The following FAM222B variants were observed in gnomAD, a reference collection of about 807,000 sequenced individuals.
FAM222B encodes protein FAM222B.
A neutral mutation model predicts 38.0 loss-of-function variants in FAM222B; 12 were observed. The ratio of observed to expected loss-of-function variants is 0.32; its 90% CI spans 0.20 to 0.51. The LOEUF (loss-of-function observed/expected upper bound fraction) is 0.51, where lower values mean the gene tolerates loss of function less well. FAM222B is among the 20% of genes least tolerant of loss of function. The pLI is 0.97. For missense variants in FAM222B, 716 were observed against 754.2 expected, an observed-to-expected ratio of 0.95 and a Z score of 0.59; for synonymous variants, 329 against 317.2, an observed-to-expected ratio of 1.04 and a Z score of -0.40.
At chr17:28,795,105 A>C (rs1452563170) in intron 1 of FAM222B, among the ~76,000 whole-genome samples, 3 of 152,014 alleles carry the variant, frequency 2.0e-5, no homozygotes, top group South Asian at 2.1e-4. Flanking sequence ...AAAAAAAAAA[A>C]AACCCTAAAA....
At chr17:28,813,582 A>G (rs566591417) in intron 1 of FAM222B, among the ~76,000 whole-genome samples, 1 of 151,714 alleles carries the variant, frequency 6.6e-6, no homozygotes, top group African/African-American at 2.4e-5. Flanking sequence ...GCTGGAGTGC[A>G]GTGGCGAGAT....
chr17:28,782,526 G>A (rs781375159), intron 1 of FAM222B, among the ~76,000 whole-genome samples: 2 of 152,100 alleles, frequency 1.3e-5, no homozygotes, highest in African/African-American at 4.8e-5. Flanking sequence ...AATAACATTA[G>A]CATGAGCCTC....
At chr17:28,803,008 G>T (rs2037310149) in intron 1 of FAM222B, among the ~76,000 whole-genome samples, 1 of 151,608 alleles carries the variant, frequency 6.6e-6, no homozygotes, top group Admixed American at 6.6e-5. Context: ...TTGTTTCTTT[G>T]CTTTTTCTTT....
In FAM222B at chr17:28,788,407, T is replaced by G. The variant is rs2036516635; in HGVS notation, c.-40-21700A>C. Among the ~76,000 whole-genome samples the G allele has an allele frequency of 2.0e-5, 3 of 152,044 alleles. No homozygotes were observed. The South Asian group carries it at 6.2e-4, about 32-fold the overall frequency. On this transcript the variant is annotated intron_variant, in intron 1 of 2. Coordinates refer to ENST00000581407, the MANE Select transcript of FAM222B (RefSeq NM_001077498.3). ...GTGCACACCATTGCATGTGGCTAAT[T>G]TTTTTGTTTTTTATAGAGACAGGTT...
chr17:28,806,106 C>T (rs1394562079), intron 1 of FAM222B, among the ~76,000 whole-genome samples: 1 of 151,688 alleles, frequency 6.6e-6, no homozygotes, highest in Non-Finnish European at 1.5e-5. Context: ...GAGCCGAGAT[C>T]GCGCCATTGC....
At chr17:28,808,323 C>A (rs1198346919) in intron 1 of FAM222B, among the ~76,000 whole-genome samples, 2 of 152,284 alleles carry the variant, frequency 1.3e-5, no homozygotes, top group East Asian at 3.9e-4. Flanking sequence ...GCTAAATTGT[C>A]CTGGATGAAG....
rs139078596 is a variant in FAM222B at position 28,782,199 on chromosome 17, G to A, written c.-40-15492C>T. 4.6e-5 allele frequency among the ~76,000 whole-genome samples: 7 copies of A among 152,272 alleles called. No individual in the cohort carries two copies. The East Asian group carries it at 1.4e-3, about 29-fold the overall frequency. On this transcript the variant is annotated intron_variant, in intron 1 of 2. Coordinates refer to ENST00000581407, the MANE Select transcript of FAM222B (RefSeq NM_001077498.3). The stretch of plus-strand genomic sequence containing the variant: ...TAGCTGGGTGTGTTGGCACATGCCT[G>A]TGGTCCCAGCTGCTCGGGAGGCTAA...
In FAM222B at chr17:28,759,532, T is replaced by C. The variant is rs1406113863; in HGVS notation, c.427A>G (p.Thr143Ala). ...GCCTGGGCCTGGGGGTGGGCTAAAG[T>C]GCTGGGTGCCACAGTAGCATAGGGT... ...VAPYATVAPS[T>A]LAHPQAQALA... The change falls in exon 3 of 3, where the codon ACT becomes GCT. Residue 143 changes from threonine (T) to alanine (A), a missense_variant. Transcript: ENST00000581407. The surrounding 1 kb of genome is among the most constrained non-coding windows in gnomAD (Gnocchi z 4.8). 6.3e-7 allele frequency: 1 copy of C among 1,594,654 alleles called. No individual in the cohort carries two copies. Among genetic ancestry groups the C allele is most frequent in the Non-Finnish European group, 8.6e-7 (1 of 1,169,180 alleles).
chr17:28,772,848 T>C (rs969461362), intron 1 of FAM222B, among the ~76,000 whole-genome samples: 1 of 152,094 alleles, frequency 6.6e-6, no homozygotes, highest in East Asian at 1.9e-4. Flanking sequence ...TGAGCCGAGA[T>C]CGCGCCACTG....
chr17:28,785,769 C>T (rs1219462722), intron 1 of FAM222B, among the ~76,000 whole-genome samples: 1 of 151,286 alleles, frequency 6.6e-6, no homozygotes, highest in Non-Finnish European at 1.5e-5. Context: ...GACGCAATCT[C>T]GCAATCTCAG....
intron 1 of FAM222B, chr17:28,834,787 T>C (rs1035974207): frequency 1.6e-4 from 24 of 151,940 alleles, no homozygotes; most frequent in Admixed American, 2.6e-4. Flanking sequence ...TCTTTGTTGC[T>C]TCTTCATTCC....
chr17:28,758,305 G>A lies in FAM222B; in HGVS notation c.1654C>T (p.Arg552Ter), dbSNP rs1255970202. The change falls in exon 3 of 3, where the codon CGA (arginine) becomes TGA (stop). Residue 552 changes from arginine to a stop codon, truncating the protein, a stop_gained. Transcript: ENST00000581407. LOFTEE classifies it high-confidence loss of function. ...GNRAPDPTESRSLHIQHPGYR is the reference protein window; with the variant it reads ...GNRAPDPTES ...CCTGGGTGCTGAATATGAAGACTTCGACTCTCTGTGGGATCGGGGGCTCGG... is the reference window on the plus strand; with the variant it reads ...CCTGGGTGCTGAATATGAAGACTTCAACTCTCTGTGGGATCGGGGGCTCGG... The A allele has an allele frequency of 4.4e-6, 7 of 1,602,980 alleles. No homozygotes were observed. Among genetic ancestry groups the A allele is most frequent in the South Asian group, 1.1e-5 (1 of 89,502 alleles).
At chr17:28,847,137 C>T (rs1453831021), upstream of FAM222B, among the ~76,000 whole-genome samples, 2 of 151,000 alleles carry the variant, frequency 1.3e-5, no homozygotes, top group African/African-American at 2.4e-5. Flanking sequence ...GCAGGAAAAT[C>T]GCTTGAACCC....
rs1163168831 is a variant in FAM222B, at chr17:28,790,894, T to A, written c.-40-24187A>T. Among the ~76,000 whole-genome samples the A allele has an allele frequency of 1.4e-3, 138 of 98,006 alleles. 11 individuals are homozygous for A. The highest frequency in any genetic ancestry group is 4.9e-3 in the South Asian group (9 of 1,824). The allele number at this position is 98,006 out of a possible 152,430, so 64.3% of individuals were successfully genotyped here. A position where few individuals can be genotyped will look rare whatever the true frequency, so the allele number is the denominator to read the frequency against. ...TTTCAAATTGTTTCACTTTTTTTTT[T>A]TTTTTTTTTTTTTTTTTTTTTAGAG... On this transcript the variant is annotated intron_variant, in intron 1 of 2. Transcript: ENST00000581407.
chr17:28,765,974 ATATAG>A (rs1425666254), intron 2 of FAM222B, among the ~76,000 whole-genome samples: 1 of 152,190 alleles, frequency 6.6e-6, no homozygotes, highest in Non-Finnish European at 1.5e-5. Flanking sequence ...TATTTCAGAG[ATATAG>A]TAAGTAATCT....
At chr17:28,795,222 A>C (rs570257961) in intron 1 of FAM222B, among the ~76,000 whole-genome samples, 1 of 152,146 alleles carries the variant, frequency 6.6e-6, no homozygotes, top group Non-Finnish European at 1.5e-5. Flanking sequence ...ATGGGATCTC[A>C]TATCACGGCA....
chr17:28,804,367 G>A (rs1482019063), intron 1 of FAM222B, among the ~76,000 whole-genome samples: 1 of 150,540 alleles, frequency 6.6e-6, no homozygotes, highest in South Asian at 2.1e-4. Flanking sequence ...GCACAGTCTC[G>A]CCCTGTCGCC....
Position 28,758,473 on chromosome 17 carries a change from G to C in FAM222B, c.1486C>G (p.Arg496Gly), listed in dbSNP as rs201079160. The C allele has an allele frequency of 1.9e-6, 3 of 1,613,422 alleles. No individual in the cohort carries two copies. Among genetic ancestry groups the C allele is most frequent in the South Asian group, 1.1e-5 (1 of 91,066 alleles). The change falls in exon 3 of 3, where the codon CGA (arginine) becomes GGA (glycine). Residue 496 changes from arginine to glycine, a missense_variant. Coordinates refer to ENST00000581407, the MANE Select transcript of FAM222B (RefSeq NM_001077498.3). ...DCAAAPGAHYRAGTGGGPVAS... is the reference protein window; with the variant it reads ...DCAAAPGAHYGAGTGGGPVAS... ...ACTGGACCGCCCCCGGTCCCTGCTCGGTAGTGGGCCCCGGGAGCTGCCGCA... is the reference window on the plus strand; with the variant it reads ...ACTGGACCGCCCCCGGTCCCTGCTCCGTAGTGGGCCCCGGGAGCTGCCGCA...
intron 1 of FAM222B, among the ~76,000 whole-genome samples, chr17:28,788,029 G>T (rs1178441257): frequency 6.6e-6 from 1 of 152,004 alleles, no homozygotes; most frequent in Non-Finnish European, 1.5e-5. Flanking sequence ...TCTCCATGTT[G>T]GTCAGGCTAG....
Sources: gnomAD v4.1 joint callset for allele counts (sites outside exome capture counted in the v4.1 genomes callset) on GRCh38, gnomAD v4.1.1 for gene constraint, Gnocchi (gnomAD v3.1) non-coding constraint, MANE v1.5 for transcripts, NCBI Gene and HGNC (gene_info 2026-07-23, HGNC 2026-07-21) for gene names.